CRIP2: variants seen among roughly 807,000 people sequenced by gnomAD.
CRIP2 encodes cysteine rich protein 2.
CRIP2 carries 31 observed loss-of-function variants against 31.3 expected under a neutral mutation model. The ratio of observed to expected loss-of-function variants is 0.99; its 90% confidence interval spans 0.74 to 1.34. CRIP2 has a LOEUF of 1.34. Ranked by LOEUF, CRIP2 falls within the 40% of genes most tolerant of loss-of-function variation. The pLI, the probability that CRIP2 is intolerant of heterozygous loss-of-function variation, is 0.00. For synonymous variants in CRIP2, 177 were observed against 127.2 expected, an observed-to-expected ratio of 1.39 and a Z score of -2.63; for missense variants, 389 against 301.6, an observed-to-expected ratio of 1.29 and a Z score of -2.15.
chr14:105,478,243 C>G lies in CRIP2; in HGVS notation c.44-23C>G. 6 of 1,519,600 alleles carry G rather than the reference C, an allele frequency of 3.9e-6. No homozygotes were observed. Among genetic ancestry groups the G allele is most frequent in the African/African-American group, 1.4e-5 (1 of 70,490 alleles). 94.1% of individuals were successfully genotyped at this position (1,519,600 alleles called of 1,614,324 possible). On this transcript the variant is annotated intron_variant, in intron 1 of 7. Coordinates refer to ENST00000329146, the MANE Select transcript of CRIP2 (RefSeq NM_001312.4). The surrounding 1 kb of genome is among the most constrained non-coding windows in gnomAD (Gnocchi z 4.9). Reference sequence around the variant, plus strand: ...TGCGGGGCGCGCCCCGGCCCTGACCCCCCTGCCGCCCCTCCCGCTCAGCCG... The same window carrying G: ...TGCGGGGCGCGCCCCGGCCCTGACCGCCCTGCCGCCCCTCCCGCTCAGCCG...
Position 105,479,922 on chromosome 14 carries a change from C to T in CRIP2, c.*269C>T, listed in dbSNP as rs587621393. 2.7e-5 allele frequency: 14 copies of T among 528,134 alleles called. No homozygotes were observed. The highest frequency in any genetic ancestry group is 3.8e-5 in the African/African-American group (2 of 52,464). The allele number at this position is 528,134 out of a possible 1,614,324, so 32.7% of individuals were successfully genotyped here. On this transcript the variant is annotated 3_prime_UTR_variant, in exon 8 of 8. Transcript: ENST00000329146. ...GTGTGACCCTGTCCCAGCATTTTCC[C>T]GCCGACCCTGCGTGTCCCCGTGGCG...
rs1158759378 is a variant in CRIP2 at position 105,478,094 on chromosome 14, C to T, written c.44-172C>T. On this transcript the variant is annotated intron_variant, in intron 1 of 7. Transcript: ENST00000329146. The surrounding 1 kb of genome is among the most constrained non-coding windows in gnomAD (Gnocchi z 4.9). ...GAACAGGGCCTGGGGGCGACGGGCT[C>T]CTCCGGGTCTCAGAAGGAGGGGCAG... Among the ~76,000 whole-genome samples, 5 of 151,568 alleles carry T rather than the reference C, an allele frequency of 3.3e-5. No individual in the cohort carries two copies. The highest frequency in any genetic ancestry group is 9.7e-5 in the African/African-American group (4 of 41,228).
At chr14:105,477,570 C>G (rs1222894088) in intron 1 of CRIP2, 2 of 977,938 alleles carry the variant, frequency 2.0e-6, no homozygotes, top group African/African-American at 3.8e-5. Context: ...GGGAGAGCAG[C>G]ATGTGTTGAA....
rs375650584 is a variant in CRIP2, at chr14:105,479,165, C to G, written c.447C>G (p.Pro149=). 10 of 1,611,684 alleles carry G rather than the reference C, an allele frequency of 6.2e-6. No homozygotes were observed. Among genetic ancestry groups the G allele is most frequent in the African/African-American group, 1.3e-5 (1 of 74,884 alleles). ...VTSLGKDWHR[P]CLRCERCGKT... ...CTCTGGGCAAGGATTGGCACCGGCCCTGCCTGCGCTGCGAGCGCTGCGGGA... is the reference window on the plus strand; with the variant it reads ...CTCTGGGCAAGGATTGGCACCGGCCGTGCCTGCGCTGCGAGCGCTGCGGGA... Residue 149 remains proline, a synonymous_variant, in exon 6 of 8, where the codon CCC becomes CCG. Transcript: ENST00000329146.
At position 105,477,386 on chromosome 14, in the gene CRIP2, CACAG is replaced by C. The variant is rs1210445226; in HGVS notation, c.44-874_44-871del. The C allele has an allele frequency of 2.8e-5, 28 of 985,040 alleles. No individual in the cohort carries two copies. The African/African-American group carries it at 4.6e-4, about 16-fold the overall frequency. The allele number at this position is 985,040 out of a possible 1,614,324, so 61.0% of individuals were successfully genotyped here. A position where few individuals can be genotyped will look rare whatever the true frequency, so the allele number is the denominator to read the frequency against. ...AGCTCAGGGTTTAGGACGAGGAATC[CACAG>C]ACAGATGAGGGTCCCGCCTGGAGGA... On this transcript the variant is annotated intron_variant, in intron 1 of 7. Coordinates refer to ENST00000329146, the MANE Select transcript of CRIP2 (RefSeq NM_001312.4).
intron 6 of CRIP2, 88 bp downstream of exon 6, chr14:105,479,307 G>A: frequency 6.6e-7 from 1 of 1,515,758 alleles, no homozygotes. Flanking sequence ...AGGGGATGGG[G>A]GGTGGTGCTT....
rs587599023 is a variant in CRIP2, at chr14:105,478,424, G to T, written c.139-26G>T. On this transcript the variant is annotated intron_variant, in intron 2 of 7. Coordinates refer to ENST00000329146, the MANE Select transcript of CRIP2 (RefSeq NM_001312.4). The surrounding 1 kb of genome is among the most constrained non-coding windows in gnomAD (Gnocchi z 4.9). ...GCGACTCCCGCCACCCTCAGGCAGG[G>T]TCCTGACCCGCGCCCCTCTGCGCAG... 2 of 1,597,294 alleles carry T rather than the reference G, an allele frequency of 1.3e-6. No individual in the cohort carries two copies. The highest frequency in any genetic ancestry group is 2.3e-5 in the East Asian group (1 of 44,398).
rs1029579502 is a variant in CRIP2, at chr14:105,479,682, A to G, written c.*29A>G. On this transcript the variant is annotated 3_prime_UTR_variant, in exon 8 of 8. Coordinates refer to ENST00000329146, the MANE Select transcript of CRIP2 (RefSeq NM_001312.4). ...ACAGCGGCTCTCATGATGTGGGCTC[A>G]CCTGCGCCCCAGACCCTGCAGGGGC... is the stretch of plus-strand genomic sequence containing the variant. The G allele has an allele frequency of 6.9e-6, 11 of 1,602,412 alleles. No homozygotes were observed. The highest frequency in any genetic ancestry group is 9.4e-6 in the Non-Finnish European group (11 of 1,175,520).
chr14:105,476,951 T>C (rs1283534677), intron 1 of CRIP2: 1 of 228,170 alleles, frequency 4.4e-6, no homozygotes, highest in Non-Finnish European at 7.3e-6. Flanking sequence ...CCCTTGGGCC[T>C]CTCAGAGTGG....
In CRIP2 at chr14:105,479,201, C is replaced by G. The variant is rs2084030512; in HGVS notation, c.483C>G (p.Thr161=). Residue 161 remains threonine (T), a synonymous_variant, in exon 6 of 8, where the codon ACC becomes ACG. Coordinates refer to ENST00000329146, the MANE Select transcript of CRIP2 (RefSeq NM_001312.4). The part of the protein sequence containing the change: ...LRCERCGKTL[T]PGGHAEHDGQ... Reference sequence around the variant, plus strand: ...GCGAGCGCTGCGGGAAGACACTGACCCCCGGCGGGCACGCGGAGGTGAGGG... The same window carrying G: ...GCGAGCGCTGCGGGAAGACACTGACGCCCGGCGGGCACGCGGAGGTGAGGG... The G allele has an allele frequency of 6.2e-7, 1 of 1,611,096 alleles. No homozygotes were observed. Among genetic ancestry groups the G allele is most frequent in the East Asian group, 2.2e-5 (1 of 44,806 alleles).
Position 105,474,924 on chromosome 14 carries a change from C to A in CRIP2, c.43+19C>A. Reference sequence around the variant, plus strand: ...TACTTCGGTGAGTGCGTGCCCGCTCCCGGCCCGCTCGGTGCATCCCGCCGC... The same window carrying A: ...TACTTCGGTGAGTGCGTGCCCGCTCACGGCCCGCTCGGTGCATCCCGCCGC... On this transcript the variant is annotated intron_variant, in intron 1 of 7. Transcript: ENST00000329146. This position sits in a 1 kb window ranked among gnomAD's most constrained non-coding sequence, Gnocchi z 5.1. 6.7e-7 allele frequency: 1 copy of A among 1,503,180 alleles called. No individual in the cohort carries two copies. 93.1% of individuals were successfully genotyped at this position (1,503,180 alleles called of 1,614,324 possible). A position where few individuals can be genotyped will look rare whatever the true frequency, so the allele number is the denominator to read the frequency against.
rs1395866750 is a variant in CRIP2, at chr14:105,478,861, G to C, written c.327G>C (p.Gly109=). Residue 109 remains glycine (G), a synonymous_variant, in exon 4 of 8, where the codon GGG becomes GGC. Transcript: ENST00000329146. This position sits in a 1 kb window ranked among gnomAD's most constrained non-coding sequence, Gnocchi z 4.9. ...GGAAGGCGAGCGGCCCCCCGAAGGGGCCCAGCAGAGGTGGGCTGGGCGCGG... is the reference window on the plus strand; with the variant it reads ...GGAAGGCGAGCGGCCCCCCGAAGGGCCCCAGCAGAGGTGGGCTGGGCGCGG... ...EERKASGPPK[G]PSRASSVTTF... is the part of the protein sequence containing the mutation. 6 of 1,436,078 alleles carry C rather than the reference G, an allele frequency of 4.2e-6. No homozygotes were observed. The highest frequency in any genetic ancestry group is 5.4e-6 in the Non-Finnish European group (6 of 1,105,938). The allele number at this position is 1,436,078 out of a possible 1,614,324, so 89.0% of individuals were successfully genotyped here.
chr14:105,477,656 TGTGTGGGGGGAGGCAG>T, intron 1 of CRIP2: 2 of 767,340 alleles, frequency 2.6e-6, no homozygotes, highest in Non-Finnish European at 3.0e-6. Context: ...GAGATGCATA[TGTGTGGGGGGAGGCAG>T]GTGTGTGGGG....
chr14:105,473,523 G>A (rs1252572660), upstream of CRIP2: 6 of 1,533,012 alleles, frequency 3.9e-6, no homozygotes, highest in East Asian at 2.4e-5. Context: ...GTAGGTCTCC[G>A]TGTCCAGCCC....
At chr14:105,473,446 A>G (rs1314237777), upstream of CRIP2, 5 of 1,535,680 alleles carry the variant, frequency 3.3e-6, no homozygotes, top group Non-Finnish European at 4.4e-6. Context: ...CCACCATGAA[A>G]GCCAGGAGCA....
intron 1 of CRIP2, chr14:105,477,455 G>A (rs2083957402): frequency 2.0e-6 from 2 of 985,218 alleles, no homozygotes; most frequent in Non-Finnish European, 2.4e-6. Flanking sequence ...GAGGGAGCTG[G>A]AGGTTCTGGG....
upstream of CRIP2, chr14:105,473,612 T>G: frequency 7.2e-7 from 1 of 1,382,470 alleles, no homozygotes; most frequent in Non-Finnish European, 9.6e-7. Flanking sequence ...TTCTGGGATC[T>G]GCCTGTCTCC....
At chr14:105,476,737 G>A (rs915156184) in intron 1 of CRIP2, 1 of 985,430 alleles carries the variant, frequency 1.0e-6, no homozygotes, top group Non-Finnish European at 1.2e-6. Flanking sequence ...GCCCCTGCCT[G>A]CCCTGGTGTG....
upstream of CRIP2, chr14:105,473,312 G>C (rs1595446080): frequency 6.5e-7 from 1 of 1,531,924 alleles, no homozygotes; most frequent in South Asian, 1.2e-5. Context: ...GAGCTGGTCA[G>C]GCTGGTCAGT....
Sources: allele counts gnomAD v4.1 joint callset (sites outside exome capture counted in the v4.1 genomes callset), GRCh38; gene constraint gnomAD v4.1.1; non-coding constraint Gnocchi (gnomAD v3.1); transcripts MANE v1.5; gene names NCBI Gene and HGNC (gene_info 2026-07-23, HGNC 2026-07-21).